Variants in MYO1D observed in about 807,000 individuals in gnomAD.
The protein encoded by MYO1D is myosin ID.
A neutral mutation model predicts 122.0 loss-of-function variants in MYO1D; 83 were observed. The observed-to-expected ratio is 0.68, with a 90% CI of 0.57 to 0.82. The LOEUF is 0.82. Ranked by LOEUF, MYO1D falls within the 40% of genes least tolerant of loss-of-function variation. The pLI is 0.00. For synonymous variants in MYO1D, 464 were observed against 446.9 expected (o/e 1.04, Z -0.48); for missense variants, 1,157 against 1,269.5 (o/e 0.91, Z 1.35).
chr17:32,516,277 C>G (rs754002546), intron 21 of MYO1D, among the ~76,000 whole-genome samples: 1 of 152,164 alleles, frequency 6.6e-6, no homozygotes, highest in African/African-American at 2.4e-5. Flanking sequence ...AGAGATGAAC[C>G]AGTGGCCATG....
chr17:32,516,183 G>A (rs80172337), intron 21 of MYO1D, among the ~76,000 whole-genome samples: 1,708 of 152,324 alleles, frequency 0.011, 14 homozygotes, highest in Middle Eastern at 0.037. Flanking sequence ...AGGCAGAGCA[G>A]AACAATATTC....
intron 20 of MYO1D, among the ~76,000 whole-genome samples, chr17:32,634,113 G>A (rs2088063945): frequency 6.6e-6 from 1 of 152,176 alleles, no homozygotes; most frequent in South Asian, 2.1e-4. Flanking sequence ...AGGGTGTGAT[G>A]TATAGATGAT....
intron 21 of MYO1D, among the ~76,000 whole-genome samples, chr17:32,581,763 G>A (rs1424729924): frequency 6.6e-6 from 1 of 151,788 alleles, no homozygotes; most frequent in Admixed American, 6.6e-5. Flanking sequence ...GTGTGTGTGT[G>A]TGTGTATGTG....
intron 1 of MYO1D, among the ~76,000 whole-genome samples, chr17:32,854,442 G>C (rs893279734): frequency 6.6e-6 from 1 of 152,240 alleles, no homozygotes; most frequent in Non-Finnish European, 1.5e-5. Context: ...TGAAAAGCTT[G>C]CACATCTAAA....
intron 16 of MYO1D, 80 bp downstream of exon 16, chr17:32,711,908 T>C: frequency 8.5e-7 from 1 of 1,179,644 alleles, no homozygotes; most frequent in South Asian, 1.5e-5. Flanking sequence ...GGAATATTTC[T>C]TGAATTAAAG....
chr17:32,777,667 C>T lies in MYO1D; in HGVS notation c.398+813G>A, dbSNP rs141342105. ...TTTTAGAAAATGAATCCTGTTCGGC[C>T]GGGCGCGGTGGCACATGCCTGTAAT... On this transcript the variant is annotated intron_variant, in intron 3 of 21. Coordinates refer to ENST00000318217, the MANE Select transcript of MYO1D (RefSeq NM_015194.3). Among the ~76,000 whole-genome samples the T allele has an allele frequency of 3.7e-3, 563 of 152,164 alleles. 3 individuals carry two copies. The highest frequency in any genetic ancestry group is 0.013 in the African/African-American group (520 of 41,518).
chr17:32,771,163 A>G lies in MYO1D; in HGVS notation c.676T>C (p.Ser226Pro). 6.2e-7 allele frequency: 1 copy of G among 1,611,614 alleles called. No individual in the cohort carries two copies. The highest frequency in any genetic ancestry group is 8.5e-7 in the Non-Finnish European group (1 of 1,177,908). ...CCCACATGAATATAGTTGTAGGATG[A>G]AAGGGATTTCTGGAGATGTAGAGAG... The part of the protein sequence containing the change: ...LRSLHLQKSL[S>P]SYNYIHVGAQ... The change falls in exon 6 of 22, where the codon TCA becomes CCA. Residue 226 changes from serine to proline, a missense_variant. Transcript: ENST00000318217.
At chr17:32,703,573 G>A (rs529624080) in intron 16 of MYO1D, among the ~76,000 whole-genome samples, 35 of 151,882 alleles carry the variant, frequency 2.3e-4, no homozygotes, top group Middle Eastern at 3.4e-3. Context: ...ATGCTACCGT[G>A]CCTGGCTATT....
At chr17:32,655,246 T>G (rs1335757770) in intron 17 of MYO1D, among the ~76,000 whole-genome samples, 1 of 152,230 alleles carries the variant, frequency 6.6e-6, no homozygotes, top group Non-Finnish European at 1.5e-5. Context: ...ACGAAGGTTT[T>G]CTAGGTGCCT....
At chr17:32,842,049 C>CTGTGCA (rs1429253593) in intron 1 of MYO1D, among the ~76,000 whole-genome samples, 3 of 152,150 alleles carry the variant, frequency 2.0e-5, no homozygotes, top group Non-Finnish European at 4.4e-5. Context: ...TTGTACCCAT[C>CTGTGCA]TGTGCAGTAG....
At chr17:32,678,522 T>C (rs1409740682) in intron 16 of MYO1D, among the ~76,000 whole-genome samples, 5 of 150,840 alleles carry the variant, frequency 3.3e-5, no homozygotes, top group Non-Finnish European at 1.5e-5. Context: ...GGTTTTTTGT[T>C]CTTGCGATAG....
intron 14 of MYO1D, among the ~76,000 whole-genome samples, chr17:32,730,485 A>G (rs2089625265): frequency 6.6e-6 from 1 of 152,132 alleles, no homozygotes; most frequent in Non-Finnish European, 1.5e-5. Context: ...TCTGATGAAT[A>G]TCTTTTAGAA....
intron 21 of MYO1D, among the ~76,000 whole-genome samples, chr17:32,557,179 C>T (rs548618821): frequency 6.0e-5 from 9 of 150,968 alleles, no homozygotes; most frequent in South Asian, 4.2e-4. Flanking sequence ...AGTTCAGTGG[C>T]GTGATCTCGG....
chr17:32,857,850 A>G (rs1305522382), intron 1 of MYO1D, among the ~76,000 whole-genome samples: 2 of 152,210 alleles, frequency 1.3e-5, no homozygotes, highest in African/African-American at 4.8e-5. Flanking sequence ...ACTAATCATC[A>G]GGCATTTATT....
chr17:32,688,742 A>C (rs989746825), intron 16 of MYO1D, among the ~76,000 whole-genome samples: 2 of 152,144 alleles, frequency 1.3e-5, no homozygotes, highest in African/African-American at 4.8e-5. Flanking sequence ...TTTTGAACGG[A>C]GACACAACAC....
Position 32,755,637 on chromosome 17 carries a change from A to G in MYO1D, c.1322T>C (p.Ile441Thr). The G allele has an allele frequency of 2.5e-6, 4 of 1,613,668 alleles. No homozygotes were observed. Among genetic ancestry groups the G allele is most frequent in the Non-Finnish European group, 3.4e-6 (4 of 1,179,728 alleles). The change falls in exon 11 of 22, where the codon ATT becomes ACT. Residue 441 changes from isoleucine to threonine, a missense_variant. Physicochemically the swap from Ile to Thr is moderately conservative, Grantham distance 89. Transcript: ENST00000318217. ...GTGCTGTTGCTCCACGAGGTCAACA[A>G]TGATCTGATTGTTGAAGTAGTCAAT... Reference protein sequence around the residue: ...KHIDYFNNQIIVDLVEQQHKG... With the variant: ...KHIDYFNNQITVDLVEQQHKG...
chr17:32,680,866 G>A (rs1403474466), intron 16 of MYO1D, among the ~76,000 whole-genome samples: 1 of 152,124 alleles, frequency 6.6e-6, no homozygotes, highest in African/African-American at 2.4e-5. Flanking sequence ...ATTCGGCTGT[G>A]AATCCATCTG....
At chr17:32,570,775 T>C (rs982178408) in intron 21 of MYO1D, among the ~76,000 whole-genome samples, 31 of 152,232 alleles carry the variant, frequency 2.0e-4, no homozygotes, top group Admixed American at 8.5e-4. Flanking sequence ...TTTGATATGA[T>C]TGATCTGCAC....
chr17:32,575,600 T>A (rs1013106964), intron 21 of MYO1D, among the ~76,000 whole-genome samples: 11 of 152,202 alleles, frequency 7.2e-5, no homozygotes, highest in African/African-American at 2.7e-4. Context: ...TGCTCCTTTT[T>A]CCACTTTATG....
Sources: gnomAD v4.1 joint callset for allele counts (sites outside exome capture counted in the v4.1 genomes callset) on GRCh38, gnomAD v4.1.1 for gene constraint, MANE v1.5 for transcripts, NCBI Gene and HGNC (gene_info 2026-07-23, HGNC 2026-07-21) for gene names.